Variants in ZNF385D observed in about 807,000 individuals in gnomAD.
The protein encoded by ZNF385D is zinc finger protein 659.
ZNF385D carries 15 observed loss-of-function variants against 35.8 expected under a neutral mutation model. The ratio of observed to expected loss-of-function variants is 0.42; its 90% CI spans 0.28 to 0.64. The LOEUF is 0.64. Among genes scored for constraint, ZNF385D ranks in the 30% least tolerant of loss-of-function variants. The pLI is 0.23. For missense variants in ZNF385D, 474 were observed against 494.6 expected (o/e 0.96, Z 0.39); for synonymous variants, 212 against 186.8 (o/e 1.13, Z -1.10).
At chr3:22,129,928 C>G (rs901080166) in intron 3 of ZNF385D, among the ~76,000 whole-genome samples, 7 of 152,112 alleles carry the variant, frequency 4.6e-5, no homozygotes, top group Non-Finnish European at 1.0e-4. Flanking sequence ...CTGGGTCACA[C>G]CTGAAGCCAG....
At chr3:22,247,182 ATTGT>A (rs1234824753) in intron 2 of ZNF385D, among the ~76,000 whole-genome samples, 6 of 152,192 alleles carry the variant, frequency 3.9e-5, no homozygotes, top group African/African-American at 1.4e-4. Context: ...TTTATTTCCT[ATTGT>A]TTTTGATAAT....
chr3:22,258,313 G>T (rs1249836419), intron 2 of ZNF385D, among the ~76,000 whole-genome samples: 1 of 151,736 alleles, frequency 6.6e-6, no homozygotes, highest in African/African-American at 2.4e-5. Context: ...CCACATTTAT[G>T]CAATAGCCAA....
chr3:21,903,560 G>C (rs11922989), intron 3 of ZNF385D, among the ~76,000 whole-genome samples: 2 of 152,124 alleles, frequency 1.3e-5, no homozygotes, highest in Non-Finnish European at 2.9e-5. Flanking sequence ...CAAGTTGATG[G>C]AAATGTATTT....
At chr3:21,709,139 A>G (rs993940704) in intron 1 of ZNF385D, among the ~76,000 whole-genome samples, 6 of 152,174 alleles carry the variant, frequency 3.9e-5, no homozygotes, top group Admixed American at 1.3e-4. Context: ...GTAACATATT[A>G]TATATTTTAC....
intron 3 of ZNF385D, among the ~76,000 whole-genome samples, chr3:21,833,033 G>A (rs1032785141): frequency 7.9e-5 from 12 of 152,072 alleles, no homozygotes; most frequent in Admixed American, 2.0e-4. Flanking sequence ...CATCCTACTT[G>A]TATCATGACA....
At chr3:21,866,760 T>G (rs530550644) in intron 3 of ZNF385D, among the ~76,000 whole-genome samples, 62 of 152,286 alleles carry the variant, frequency 4.1e-4, no homozygotes, top group African/African-American at 1.4e-3. Flanking sequence ...TTAGCAAATA[T>G]TTACAGAATT....
At chr3:21,986,663 T>C (rs1044032282) in intron 3 of ZNF385D, among the ~76,000 whole-genome samples, 2 of 142,398 alleles carry the variant, frequency 1.4e-5, no homozygotes, top group African/African-American at 5.8e-5. Context: ...GGGTGGAGAG[T>C]TCTGTAGATG....
chr3:21,585,452 A>G (rs2063782205), intron 2 of ZNF385D, among the ~76,000 whole-genome samples: 1 of 152,226 alleles, frequency 6.6e-6, no homozygotes, highest in South Asian at 2.1e-4. Flanking sequence ...TTTCTAAACC[A>G]GTTCTCCAGA....
chr3:21,786,223 C>A (rs1485017943), intron 3 of ZNF385D, among the ~76,000 whole-genome samples: 1 of 152,114 alleles, frequency 6.6e-6, no homozygotes, highest in African/African-American at 2.4e-5. Context: ...ATAAGCTTCT[C>A]TAAGTGCTAA....
At chr3:22,081,380 A>G (rs1166931704) in intron 3 of ZNF385D, among the ~76,000 whole-genome samples, 1 of 152,166 alleles carries the variant, frequency 6.6e-6, no homozygotes, top group African/African-American at 2.4e-5. Flanking sequence ...TCCATGTCCT[A>G]AAAAAGATCC....
chr3:21,447,108 C>A (rs776604649), intron 4 of ZNF385D, among the ~76,000 whole-genome samples: 1 of 152,058 alleles, frequency 6.6e-6, no homozygotes, highest in African/African-American at 2.4e-5. Context: ...GATTGTTAGG[C>A]CTTGTTCTAG....
intron 1 of ZNF385D, among the ~76,000 whole-genome samples, chr3:21,722,521 A>G (rs186094311): frequency 6.6e-6 from 1 of 152,262 alleles, no homozygotes. Context: ...CTGCTAGAGG[A>G]AGTTGCAAGT....
chr3:21,785,323 TCA>T (rs534674709), intron 3 of ZNF385D, among the ~76,000 whole-genome samples: 6 of 152,302 alleles, frequency 3.9e-5, no homozygotes, highest in Middle Eastern at 6.8e-3. Context: ...TGAGAAATAA[TCA>T]CAGTTAAGCT....
chr3:22,166,787 T>C (rs1326994807), intron 3 of ZNF385D, among the ~76,000 whole-genome samples: 1 of 152,246 alleles, frequency 6.6e-6, no homozygotes, highest in Non-Finnish European at 1.5e-5. Flanking sequence ...TCTTTTGTTC[T>C]AGTTTTGTTC....
intron 3 of ZNF385D, among the ~76,000 whole-genome samples, chr3:22,115,770 C>G (rs766092920): frequency 1.3e-5 from 2 of 152,052 alleles, no homozygotes; most frequent in Non-Finnish European, 2.9e-5. Flanking sequence ...AGTCATATGA[C>G]CTCTGAAGCA....
At chr3:22,336,707 T>C (rs1695173401) in intron 2 of ZNF385D, among the ~76,000 whole-genome samples, 1 of 151,502 alleles carries the variant, frequency 6.6e-6, no homozygotes, top group Non-Finnish European at 1.5e-5. Flanking sequence ...ATAAAAAATA[T>C]TTTATTATAG....
chr3:21,885,832 G>T (rs187651695), intron 3 of ZNF385D, among the ~76,000 whole-genome samples: 1 of 150,702 alleles, frequency 6.6e-6, no homozygotes, highest in Non-Finnish European at 1.5e-5. Context: ...AACTGTGAAG[G>T]CTCTGTGAGT....
intron 3 of ZNF385D, among the ~76,000 whole-genome samples, chr3:21,890,696 T>C (rs542183761): frequency 7.9e-4 from 120 of 152,218 alleles, no homozygotes; most frequent in African/African-American, 2.9e-3. Flanking sequence ...TGAGAAAAGA[T>C]GCTATTTTCT....
chr3:22,317,653 G>A (rs576839563), intron 2 of ZNF385D, among the ~76,000 whole-genome samples: 2 of 152,180 alleles, frequency 1.3e-5, no homozygotes, highest in East Asian at 3.9e-4. Flanking sequence ...TAGGAATAAG[G>A]GTAGGTAAAC....
Sources: allele counts gnomAD v4.1 joint callset (sites outside exome capture counted in the v4.1 genomes callset), GRCh38; gene constraint gnomAD v4.1.1; transcripts MANE v1.5; gene names NCBI Gene and HGNC (gene_info 2026-07-23, HGNC 2026-07-21).